Variants in FRMPD4 observed in about 807,000 individuals in gnomAD.
FRMPD4 encodes FERM and PDZ domain-containing protein 4.
Under a neutral mutation model 94.1 loss-of-function variants are expected in FRMPD4, and 22 were observed. That is an observed-to-expected ratio of 0.23 (90% CI 0.17 to 0.33). The LOEUF is 0.33. Among genes scored for constraint, FRMPD4 ranks in the 10% least tolerant of loss-of-function variants. The pLI, the probability that FRMPD4 is intolerant of heterozygous loss-of-function variation, is 1.00. For missense variants in FRMPD4, 1,111 were observed against 1,339.9 expected, an observed-to-expected ratio of 0.83 and a Z score of 2.67; for synonymous variants, 631 against 548.6, an observed-to-expected ratio of 1.15 and a Z score of -2.10.
At chrX:12,547,258 G>T (rs756053631) in intron 2 of FRMPD4, among the ~76,000 whole-genome samples, 1 of 110,807 alleles carries the variant, frequency 9.0e-6, no homozygotes, top group South Asian at 3.8e-4. Flanking sequence ...GTAATCGGCC[G>T]AAGGACACAC....
At chrX:12,422,589 G>C (rs964389362) in intron 1 of FRMPD4, among the ~76,000 whole-genome samples, 2 of 112,253 alleles carry the variant, frequency 1.8e-5, no homozygotes, top group Non-Finnish European at 3.8e-5. Context: ...AACTGGATAA[G>C]TAATGGCTTT....
At chrX:12,205,087 A>G in intron 1 of FRMPD4, among the ~76,000 whole-genome samples, 1 of 78,808 alleles carries the variant, frequency 1.3e-5, no homozygotes, top group Non-Finnish European at 2.4e-5. Context: ...AGCTAATCAA[A>G]TGCTAAAAAA....
At chrX:11,888,875 G>A (rs2053859939) in intron 3 of FRMPD4, among the ~76,000 whole-genome samples, 1 of 112,419 alleles carries the variant, frequency 8.9e-6, no homozygotes, top group African/African-American at 3.2e-5. Context: ...AGGAAAAATG[G>A]TGCTGATAAA....
intron 1 of FRMPD4, among the ~76,000 whole-genome samples, chrX:12,461,552 C>T (rs1039218275): frequency 9.8e-5 from 11 of 111,953 alleles, no homozygotes; most frequent in Admixed American, 4.7e-4. Context: ...TTAAATTGTT[C>T]GTAATTTGCA....
At chrX:12,418,660 A>G (rs1018476704) in intron 1 of FRMPD4, among the ~76,000 whole-genome samples, 1 of 110,134 alleles carries the variant, frequency 9.1e-6, no homozygotes, top group Non-Finnish European at 1.9e-5. Flanking sequence ...ACCTGGCCAC[A>G]TCCATCAGTA....
intron 3 of FRMPD4, among the ~76,000 whole-genome samples, chrX:11,904,501 A>T (rs745837787): frequency 8.9e-6 from 1 of 112,246 alleles, no homozygotes; most frequent in Non-Finnish European, 1.9e-5. Context: ...TGGGTTTTAA[A>T]TTTACCATTT....
chrX:11,957,404 T>A (rs1441201808), intron 3 of FRMPD4, among the ~76,000 whole-genome samples: 1 of 110,907 alleles, frequency 9.0e-6, no homozygotes, highest in East Asian at 2.8e-4. Context: ...AAAAAAAATT[T>A]AAAAAATAGA....
intron 1 of FRMPD4, among the ~76,000 whole-genome samples, chrX:12,170,399 T>G (rs374434545): frequency 1.6e-4 from 18 of 110,790 alleles, no homozygotes; most frequent in East Asian, 8.5e-4. Context: ...GATATGTGCA[T>G]GTTAGCATCC....
At chrX:12,689,655 T>C (rs976249619) in intron 7 of FRMPD4, among the ~76,000 whole-genome samples, 2 of 112,644 alleles carry the variant, frequency 1.8e-5, no homozygotes, top group Non-Finnish European at 1.9e-5. Flanking sequence ...CAGTCTCTGT[T>C]GCAGCTACTC....
chrX:12,419,477 TA>T (rs1195802385), intron 1 of FRMPD4, among the ~76,000 whole-genome samples: 1 of 112,196 alleles, frequency 8.9e-6, no homozygotes, highest in African/African-American at 3.3e-5. Context: ...TTTAAATACA[TA>T]AAAAATATTT....
intron 2 of FRMPD4, among the ~76,000 whole-genome samples, chrX:12,584,460 G>C (rs1384567469): frequency 1.8e-5 from 2 of 111,367 alleles, no homozygotes; most frequent in African/African-American, 6.5e-5. Context: ...TTTAGAAAAC[G>C]ATCATCACTG....
chrX:11,845,407 A>G (rs1368403283), intron 1 of FRMPD4, among the ~76,000 whole-genome samples: 1 of 111,495 alleles, frequency 9.0e-6, no homozygotes, highest in Admixed American at 9.5e-5. Context: ...AACCAAAAAG[A>G]GTCCAGGACC....
At chrX:12,521,473 G>A (rs749340283) in intron 2 of FRMPD4, among the ~76,000 whole-genome samples, 3 of 111,824 alleles carry the variant, frequency 2.7e-5, no homozygotes, top group Non-Finnish European at 3.8e-5. Context: ...AAGATAATAC[G>A]CTGTTAAATA....
At chrX:12,172,260 G>GA (rs202235290) in intron 1 of FRMPD4, among the ~76,000 whole-genome samples, 271 of 94,853 alleles carry the variant, frequency 2.9e-3, no homozygotes, top group South Asian at 0.015. Context: ...TAGTGATAAG[G>GA]AAAAAAAAAA....
chrX:12,447,693 T>C (rs1308497920), intron 1 of FRMPD4, among the ~76,000 whole-genome samples: 1 of 111,968 alleles, frequency 8.9e-6, no homozygotes, highest in Non-Finnish European at 1.9e-5. Flanking sequence ...GGCCTTATTC[T>C]GTTTGTTTAC....
intron 3 of FRMPD4, among the ~76,000 whole-genome samples, chrX:12,061,739 C>G (rs1168445568): frequency 2.7e-5 from 3 of 111,868 alleles, no homozygotes; most frequent in Non-Finnish European, 5.7e-5. Context: ...GGGGTATTTG[C>G]TTTTTAAAAT....
chrX:12,043,981 AC>A (rs747176224), intron 3 of FRMPD4, among the ~76,000 whole-genome samples: 1 of 111,633 alleles, frequency 9.0e-6, no homozygotes, highest in East Asian at 2.8e-4. Context: ...TTTTTATATA[AC>A]TAACAGGAAA....
At chrX:12,568,071 T>A (rs2058729734) in intron 2 of FRMPD4, among the ~76,000 whole-genome samples, 1 of 111,470 alleles carries the variant, frequency 9.0e-6, no homozygotes, top group Non-Finnish European at 1.9e-5. Flanking sequence ...GGCTCAGTGC[T>A]TTGAAAAAAA....
chrX:12,186,368 A>G (rs903221238), intron 1 of FRMPD4, among the ~76,000 whole-genome samples: 17 of 111,792 alleles, frequency 1.5e-4, no homozygotes, highest in Non-Finnish European at 2.3e-4. Context: ...TAATGCTTAA[A>G]TAATTATTAT....
Sources: gnomAD v4.1 joint callset for allele counts (sites outside exome capture counted in the v4.1 genomes callset) on GRCh38, gnomAD v4.1.1 for gene constraint, MANE v1.5 for transcripts, NCBI Gene and HGNC (gene_info 2026-07-23, HGNC 2026-07-21) for gene names.